Variants in UFM1 observed in about 807,000 individuals in gnomAD.
UFM1 encodes the protein ubiquitin fold modifier 1, also known as ubiquitin-fold modifier 1.
Under a neutral mutation model 15.4 loss-of-function variants are expected in UFM1, and 9 were observed. The observed-to-expected ratio is 0.59, with a 90% CI of 0.35 to 1.02. The LOEUF is 1.02. Among genes scored for constraint, UFM1 ranks in the 50% least tolerant of loss-of-function variants. UFM1 has a pLI of 0.02. For synonymous variants in UFM1, 27 were observed against 36.3 expected, an observed-to-expected ratio of 0.74 and a Z score of 0.92; for missense variants, 98 against 104.7, an observed-to-expected ratio of 0.94 and a Z score of 0.28.
chr13:38,362,362 A>G lies in UFM1; in HGVS notation c.*1584A>G, dbSNP rs964253122. 1 of 152,244 alleles carries G rather than the reference A, an allele frequency of 6.6e-6. No individual in the cohort carries two copies. The highest frequency in any genetic ancestry group is 2.4e-5 in the African/African-American group (1 of 41,464). 9.4% of individuals were successfully genotyped at this position (152,244 alleles called of 1,614,324 possible). On this transcript the variant is annotated 3_prime_UTR_variant, in exon 6 of 6. Coordinates refer to ENST00000239878, the MANE Select transcript of UFM1 (RefSeq NM_016617.4). ...TTATGAAATTACCAGATATTCATAA[A>G]TGTGACAAATGAACAGCAGGATTAT...
intron 4 of UFM1, among the ~76,000 whole-genome samples, chr13:38,359,020 A>G (rs1291769286): frequency 3.9e-5 from 6 of 152,066 alleles, no homozygotes; most frequent in African/African-American, 1.2e-4. Context: ...TTAATTCTAT[A>G]TGGCAAAATA....
chr13:38,357,157 A>C (rs1879139558), intron 3 of UFM1, among the ~76,000 whole-genome samples: 2 of 151,950 alleles, frequency 1.3e-5, no homozygotes, highest in African/African-American at 4.8e-5. Context: ...GGACTATTGC[A>C]ATCCTTGAGC....
chr13:38,352,204 TCTC>T (rs1369173903), intron 2 of UFM1, among the ~76,000 whole-genome samples: 1 of 151,468 alleles, frequency 6.6e-6, no homozygotes, highest in Non-Finnish European at 1.5e-5. Flanking sequence ...TCCCAGTTCT[TCTC>T]CTTCCTCAGC....
chr13:38,360,082 T>G (rs1403711840), intron 5 of UFM1: 3 of 387,290 alleles, frequency 7.7e-6, no homozygotes, highest in Non-Finnish European at 1.5e-5. Flanking sequence ...ATGAAGTGAT[T>G]TAAAATTGCA....
chr13:38,355,306 A>G (rs1252775657), intron 3 of UFM1, among the ~76,000 whole-genome samples: 1 of 152,018 alleles, frequency 6.6e-6, no homozygotes, highest in Non-Finnish European at 1.5e-5. Context: ...GCCAACTAGT[A>G]GCATTTGTTT....
chr13:38,351,276 C>T (rs1436374494), intron 2 of UFM1, among the ~76,000 whole-genome samples: 1 of 152,118 alleles, frequency 6.6e-6, no homozygotes, highest in Non-Finnish European at 1.5e-5. Context: ...GCTGACTGCC[C>T]CTGGAGAAAA....
chr13:38,353,135 A>C (rs1878936094), intron 2 of UFM1, among the ~76,000 whole-genome samples: 1 of 152,162 alleles, frequency 6.6e-6, no homozygotes, highest in Non-Finnish European at 1.5e-5. Context: ...GGCAGCCAAG[A>C]AATCTATTCA....
chr13:38,354,164 T>G (rs544411169), intron 2 of UFM1, 75 bp from the exon 3 acceptor site: 1 of 1,443,664 alleles, frequency 6.9e-7, no homozygotes, highest in East Asian at 2.3e-5. Flanking sequence ...GCTACAGTAG[T>G]GGAAATAAGG....
At chr13:38,354,124 G>T in intron 2 of UFM1, 115 bp from the exon 3 acceptor site, 1 of 833,174 alleles carries the variant, frequency 1.2e-6, no homozygotes, top group Non-Finnish European at 1.9e-6. Flanking sequence ...CACTAACTTT[G>T]AAACTGAAAA....
intron 4 of UFM1, among the ~76,000 whole-genome samples, chr13:38,358,408 G>GT (rs11381230): frequency 0.97 from 144,566 of 148,798 alleles, 70,322 homozygotes; most frequent in East Asian, 1. Flanking sequence ...TATTTAGCAA[G>GT]TTTTTTTTTT....
Position 38,362,164 on chromosome 13 carries a change from G to A in UFM1, c.*1386G>A, listed in dbSNP as rs1879433099. 1 of 152,202 alleles carries A rather than the reference G, an allele frequency of 6.6e-6. No homozygotes were observed. The highest frequency in any genetic ancestry group is 2.4e-5 in the African/African-American group (1 of 41,448). The allele number at this position is 152,202 out of a possible 1,614,324, so 9.4% of individuals were successfully genotyped here. On this transcript the variant is annotated 3_prime_UTR_variant, in exon 6 of 6. Coordinates refer to ENST00000239878, the MANE Select transcript of UFM1 (RefSeq NM_016617.4). ...CAGGGATTGTGTCTGGCTCTTTTTA[G>A]AGCTGGAAATGTAGTGGCTTTCATT... is the stretch of plus-strand genomic sequence containing the variant.
chr13:38,359,856 TA>T (rs1274318265), intron 5 of UFM1: 1 of 178,238 alleles, frequency 5.6e-6, no homozygotes, highest in Non-Finnish European at 1.2e-5. Flanking sequence ...TCATACTTTA[TA>T]AAAAGAAGTC....
rs769188425 is a variant in UFM1, at chr13:38,361,708, G to A, written c.*930G>A. ...AAGTGCTAAGATCAGTCACCCATGT[G>A]AATAAGAAGCCAGGAAAGGAAAGAT... is the stretch of plus-strand genomic sequence containing the variant. On this transcript the variant is annotated 3_prime_UTR_variant, in exon 6 of 6. Transcript: ENST00000239878. 1 of 152,186 alleles carries A rather than the reference G, an allele frequency of 6.6e-6. No individual in the cohort carries two copies. The highest frequency in any genetic ancestry group is 2.4e-5 in the African/African-American group (1 of 41,446). 9.4% of individuals were successfully genotyped at this position (152,186 alleles called of 1,614,324 possible).
In UFM1 at chr13:38,349,878, C is replaced by T. The variant is rs771456996; in HGVS notation, c.-42C>T. ...CACACTAGAGGAAGTCGTGCTACCC[C>T]CGCGGAGTTGTCGTGTGTTCTGGAT... On this transcript the variant is annotated 5_prime_UTR_variant, in exon 1 of 6. Coordinates refer to ENST00000239878, the MANE Select transcript of UFM1 (RefSeq NM_016617.4). 1.5e-5 allele frequency: 25 copies of T among 1,613,996 alleles called. No individual in the cohort carries two copies. Among genetic ancestry groups the T allele is most frequent in the East Asian group, 2.2e-5 (1 of 44,868 alleles).
Position 38,360,716 on chromosome 13 carries a change from GT to G in UFM1, c.201del (p.Leu68Ter). On this transcript the variant is annotated frameshift_variant, in exon 6 of 6. Coordinates refer to ENST00000239878, the MANE Select transcript of UFM1 (RefSeq NM_016617.4). LOFTEE classifies it high-confidence loss of function. Reference sequence around the variant, plus strand: ...TGTTTTGTTTGTTTGTATAGGAAATGTTTTTCTAAAACATGGTTCAGAACTG... The same window carrying G: ...TGTTTTGTTTGTTTGTATAGGAAATGTTTTCTAAAACATGGTTCAGAACTG... ...GINPAQTAGN[V>X]FLKHGSELRI... 1 of 1,603,378 alleles carries G rather than the reference GT, an allele frequency of 6.2e-7. No individual in the cohort carries two copies. Among genetic ancestry groups the G allele is most frequent in the East Asian group, 2.2e-5 (1 of 44,544 alleles).
At chr13:38,351,730 G>A (rs1308387556) in intron 2 of UFM1, among the ~76,000 whole-genome samples, 1 of 152,164 alleles carries the variant, frequency 6.6e-6, no homozygotes, top group East Asian at 1.9e-4. Context: ...AAATGATAGA[G>A]TAGGACAATA....
intron 2 of UFM1, 95 bp downstream of exon 2, chr13:38,350,150 T>G (rs1167889118): frequency 6.2e-7 from 1 of 1,613,988 alleles, no homozygotes; most frequent in African/African-American, 1.3e-5. Context: ...CCCCACGCAG[T>G]CTTCATCTCT....
chr13:38,355,171 C>G (rs1879040715), intron 3 of UFM1, among the ~76,000 whole-genome samples: 1 of 151,986 alleles, frequency 6.6e-6, no homozygotes, highest in Non-Finnish European at 1.5e-5. Context: ...TAAAAAATAG[C>G]TTAACACACA....
chr13:38,358,036 TTTGTGTG>T, intron 3 of UFM1, 50 bp from the exon 4 acceptor site: 1 of 666,678 alleles, frequency 1.5e-6, no homozygotes, highest in South Asian at 3.6e-5. Context: ...ATCTTATAGT[TTTGTGTG>T]TGTGTGTGTG....
Sources: allele counts gnomAD v4.1 joint callset (sites outside exome capture counted in the v4.1 genomes callset), GRCh38; gene constraint gnomAD v4.1.1; transcripts MANE v1.5; gene names NCBI Gene and HGNC (gene_info 2026-07-23, HGNC 2026-07-21).